Variants in TF observed in about 807,000 individuals in gnomAD.
TF encodes the protein transferrin.
In TF, 55 loss-of-function variants were observed where a neutral mutation model predicts 82.4. That is an observed-to-expected ratio of 0.67 (90% CI 0.54 to 0.84). TF has a LOEUF of 0.84. Among genes scored for constraint, TF ranks in the 40% least tolerant of loss-of-function variants. TF has a pLI of 0.00. For missense variants in TF, 737 were observed against 868.4 expected (o/e 0.85, Z 1.90); for synonymous variants, 332 against 332.6 (o/e 1.00, Z 0.02).
At chr3:133,744,313 G>T (rs1046859373), upstream of TF, among the ~76,000 whole-genome samples, 1 of 152,172 alleles carries the variant, frequency 6.6e-6, no homozygotes, top group African/African-American at 2.4e-5. Flanking sequence ...CATGCCCTGC[G>T]TTGAGCTTCC....
chr3:133,742,466 AAG>A (rs567759993), upstream of TF, among the ~76,000 whole-genome samples: 20 of 128,108 alleles, frequency 1.6e-4, no homozygotes, highest in Non-Finnish European at 3.4e-4. Flanking sequence ...GAGAGAGAGA[AAG>A]AGAGAGAGAG....
chr3:133,795,713 C>G lies in TF; in HGVS notation c.*17093C>G, dbSNP rs1934950360. On this transcript the variant is annotated 3_prime_UTR_variant, in exon 17 of 17. Coordinates refer to ENST00000402696, the MANE Select transcript of TF (RefSeq NM_001063.4). ...GTCTCAGCCTCCCGAGTAGCTGGGA[C>G]TACAGGCACCTGCCACCACGCCCGG... 1.3e-5 allele frequency: 2 copies of G among 151,356 alleles called. No individual in the cohort carries two copies. The highest frequency in any genetic ancestry group is 2.9e-5 in the Non-Finnish European group (2 of 67,992). The allele number at this position is 151,356 out of a possible 1,614,324, so 9.4% of individuals were successfully genotyped here. A position where few individuals can be genotyped will look rare whatever the true frequency, so the allele number is the denominator to read the frequency against.
At chr3:133,712,148 G>T in the TF span, among the ~76,000 whole-genome samples, 1 of 152,210 alleles carries the variant, frequency 6.6e-6, no homozygotes, top group Non-Finnish European at 1.5e-5. Flanking sequence ...GGTTACTTGA[G>T]TTCTGACTAT....
chr3:133,670,157 C>T, the TF span, among the ~76,000 whole-genome samples: 5 of 152,220 alleles, frequency 3.3e-5, no homozygotes, highest in Non-Finnish European at 7.3e-5. Flanking sequence ...CCAGCTTGGA[C>T]ACCTACTAGC....
intron 9 of TF, 114 bp downstream of exon 9, chr3:133,759,443 C>G: frequency 1.5e-6 from 2 of 1,357,080 alleles, no homozygotes; most frequent in South Asian, 2.4e-5. Flanking sequence ...CTCCCAGGAA[C>G]CTTGCCCTGA....
the TF span, among the ~76,000 whole-genome samples, chr3:133,687,408 T>C: frequency 6.6e-6 from 1 of 152,194 alleles, no homozygotes; most frequent in African/African-American, 2.4e-5. Flanking sequence ...AGCTTTCTTT[T>C]TTTCTTCCTT....
rs1426619009 is a variant in TF at position 133,765,814 on chromosome 3, CA to C, written c.1331-463del. ...CTTGATATTGACATTTTCCATTTTG[CA>C]TATTTATTTTGGTATAAAACTATAT... On this transcript the variant is annotated intron_variant, in intron 11 of 16. Coordinates refer to ENST00000402696, the MANE Select transcript of TF (RefSeq NM_001063.4). Among the ~76,000 whole-genome samples the C allele has an allele frequency of 2.6e-5, 4 of 152,184 alleles. No individual in the cohort carries two copies. In the East Asian group the frequency reaches 7.7e-4, roughly 29 times the overall value.
At chr3:133,765,643 G>A (rs974323530) in intron 11 of TF, among the ~76,000 whole-genome samples, 3 of 152,122 alleles carry the variant, frequency 2.0e-5, no homozygotes, top group Non-Finnish European at 2.9e-5. Flanking sequence ...TATAGAAAAA[G>A]CCATTCTTAT....
chr3:133,767,075 A>T (rs1934146270), intron 12 of TF, among the ~76,000 whole-genome samples: 1 of 152,168 alleles, frequency 6.6e-6, no homozygotes, highest in African/African-American at 2.4e-5. Context: ...ACAGGTAGCA[A>T]TCCCTGCCAC....
At chr3:133,697,881 C>T in the TF span, among the ~76,000 whole-genome samples, 2 of 152,332 alleles carry the variant, frequency 1.3e-5, no homozygotes, top group Non-Finnish European at 2.9e-5. Flanking sequence ...CCCCAAAGAC[C>T]ATCTGATGCA....
the TF span, among the ~76,000 whole-genome samples, chr3:133,709,011 T>A: frequency 6.6e-6 from 1 of 152,138 alleles, no homozygotes; most frequent in East Asian, 1.9e-4. Context: ...GGAGACCTAC[T>A]ACCTGCAAGA....
chr3:133,728,243 G>A, the TF span, among the ~76,000 whole-genome samples: 1 of 152,188 alleles, frequency 6.6e-6, no homozygotes, highest in Non-Finnish European at 1.5e-5. Flanking sequence ...ATATCCTGCA[G>A]AGTGTTTTCC....
the TF span, chr3:133,699,583 G>T: frequency 5.4e-5 from 33 of 612,968 alleles, no homozygotes; most frequent in Non-Finnish European, 1.5e-5. Context: ...AGTGTGGGTG[G>T]CAAGGAGGAC....
intron 2 of TF, among the ~76,000 whole-genome samples, chr3:133,749,434 G>A (rs957377963): frequency 1.1e-4 from 17 of 152,196 alleles, no homozygotes; most frequent in African/African-American, 4.1e-4. Flanking sequence ...TACCCTCAGG[G>A]AGCTCATGGG....
the TF span, among the ~76,000 whole-genome samples, chr3:133,739,674 T>G: frequency 7.3e-5 from 11 of 150,238 alleles, no homozygotes; most frequent in African/African-American, 2.7e-4. Context: ...CATCAAAAAG[T>G]GGGCAAAGGA....
chr3:133,772,290 T>C (rs559328819), intron 14 of TF, among the ~76,000 whole-genome samples: 2 of 152,334 alleles, frequency 1.3e-5, no homozygotes, highest in East Asian at 3.9e-4. Flanking sequence ...TACCCTAAGC[T>C]TGGCTCTTTG....
the TF span, chr3:133,688,481 G>A: frequency 6.6e-6 from 1 of 152,170 alleles, no homozygotes; most frequent in African/African-American, 2.4e-5. Flanking sequence ...TGCTTTAGAG[G>A]AGAAAGAAAC....
chr3:133,711,168 T>G, the TF span, among the ~76,000 whole-genome samples: 1 of 152,274 alleles, frequency 6.6e-6, no homozygotes, highest in East Asian at 1.9e-4. Context: ...TTTTTCCCAA[T>G]CTCAACGGAA....
chr3:133,752,886 T>C (rs78218784), intron 2 of TF, among the ~76,000 whole-genome samples: 12 of 152,244 alleles, frequency 7.9e-5, no homozygotes, highest in African/African-American at 2.6e-4. Context: ...GAAATAATAA[T>C]CAAGCTTTTG....
Sources: gnomAD v4.1 joint callset for allele counts (sites outside exome capture counted in the v4.1 genomes callset) on GRCh38, gnomAD v4.1.1 for gene constraint, MANE v1.5 for transcripts, NCBI Gene and HGNC (gene_info 2026-07-23, HGNC 2026-07-21) for gene names.